Variants in ATP11A observed in about 807,000 individuals in gnomAD.
ATP11A encodes the protein phospholipid-transporting ATPase IH.
A neutral mutation model predicts 154.4 loss-of-function variants in ATP11A; 81 were observed. The ratio of observed to expected loss-of-function variants is 0.52; its 90% CI spans 0.44 to 0.63. The LOEUF (loss-of-function observed/expected upper bound fraction) is 0.63, where lower values mean the gene tolerates loss of function less well. Ranked by LOEUF, ATP11A falls within the 30% of genes least tolerant of loss-of-function variation. The pLI is 0.00. For synonymous variants in ATP11A, 623 were observed against 585.9 expected (o/e 1.06, Z -0.91); for missense variants, 1,316 against 1,474.3 (o/e 0.89, Z 1.76).
chr13:112,755,355 A>G (rs2076796221), intron 1 of ATP11A, among the ~76,000 whole-genome samples: 1 of 152,028 alleles, frequency 6.6e-6, no homozygotes, highest in African/African-American at 2.4e-5. Flanking sequence ...CCCAGCTTGG[A>G]CAGTCTCTCT....
intron 2 of ATP11A, among the ~76,000 whole-genome samples, chr13:112,803,745 CTT>C (rs2078204639): frequency 8.2e-5 from 10 of 122,422 alleles, no homozygotes; most frequent in African/African-American, 2.8e-4. Context: ...CCTTCCCCTC[CTT>C]CTCTCATTCC....
At chr13:112,692,604 C>G (rs1885327773) in intron 1 of ATP11A, among the ~76,000 whole-genome samples, 1 of 152,176 alleles carries the variant, frequency 6.6e-6, no homozygotes, top group Non-Finnish European at 1.5e-5. Flanking sequence ...CTTTAGTGAA[C>G]TTTTCCAGCA....
intron 29 of ATP11A, chr13:112,880,809 A>G: frequency 1.0e-6 from 1 of 985,446 alleles, no homozygotes; most frequent in Non-Finnish European, 1.2e-6. Flanking sequence ...CCAGGTAAGT[A>G]ACACGCCTGA....
chr13:112,867,175 A>T (rs1478803839), intron 25 of ATP11A, among the ~76,000 whole-genome samples: 4 of 152,150 alleles, frequency 2.6e-5, no homozygotes, highest in African/African-American at 9.7e-5. Context: ...GTTTTCTCTC[A>T]CAAACACCAC....
chr13:112,792,955 A>T (rs1462603319), intron 2 of ATP11A, among the ~76,000 whole-genome samples: 2 of 152,230 alleles, frequency 1.3e-5, no homozygotes, highest in African/African-American at 4.8e-5. Flanking sequence ...TTGGGGAGAA[A>T]AAATTCCCTC....
At chr13:112,731,268 C>T (rs1246657962) in intron 1 of ATP11A, among the ~76,000 whole-genome samples, 1 of 152,164 alleles carries the variant, frequency 6.6e-6, no homozygotes, top group African/African-American at 2.4e-5. Flanking sequence ...TGTGTCCGGC[C>T]TCCTATACAG....
At chr13:112,867,430 A>C (rs1179322600) in intron 25 of ATP11A, among the ~76,000 whole-genome samples, 2 of 152,204 alleles carry the variant, frequency 1.3e-5, no homozygotes, top group Non-Finnish European at 2.9e-5. Flanking sequence ...GATGGACTTC[A>C]GGGGCAAGGA....
chr13:112,851,140 G>T lies in ATP11A; in HGVS notation c.1913G>T (p.Arg638Leu). 6.2e-7 allele frequency: 1 copy of T among 1,614,190 alleles called. No individual in the cohort carries two copies. The highest frequency in any genetic ancestry group is 8.5e-7 in the Non-Finnish European group (1 of 1,180,034). Residue 638 changes from arginine (R) to leucine (L), a missense_variant, in exon 18 of 30, where the codon CGA (arginine) becomes CTA (leucine). Around this residue, in one of 5 missense-constraint regions of ATP11A, gnomAD observed 876 missense variants for 1,006.8 expected, o/e 0.87. Coordinates refer to ENST00000375645, the MANE Select transcript of ATP11A (RefSeq NM_015205.3). ...GCTGCCAAAGTGGCCCTTCAAGATC[G>T]AGAGAAAAAGTTAGCAGAAGCCTAT... ...LQAAKVALQDREKKLAEAYEQ... is the reference protein window; with the variant it reads ...LQAAKVALQDLEKKLAEAYEQ...
chr13:112,809,571 C>T (rs542803292), intron 4 of ATP11A, among the ~76,000 whole-genome samples: 1 of 152,204 alleles, frequency 6.6e-6, no homozygotes, highest in East Asian at 1.9e-4. Flanking sequence ...TGCAGTGGGC[C>T]CGTGGCACAG....
chr13:112,746,389 T>C lies in ATP11A; in HGVS notation c.40-38746T>C, dbSNP rs79224605. The stretch of plus-strand genomic sequence containing the variant: ...CCTCCCCGGGTAACTGGGGTTCCGG[T>C]TCCCCACGTCCTCACCGGGTAACTG... On this transcript the variant is annotated intron_variant, in intron 1 of 29. Transcript: ENST00000375645. This position sits in a 1 kb window ranked among gnomAD's most constrained non-coding sequence, Gnocchi z 4.1. The C allele has an allele frequency of 5.4e-3, 495 of 92,180 alleles. No homozygotes were observed. The highest frequency in any genetic ancestry group is 0.015 in the African/African-American group (215 of 14,694). 5.7% of individuals were successfully genotyped at this position (92,180 alleles called of 1,614,324 possible).
intron 1 of ATP11A, among the ~76,000 whole-genome samples, chr13:112,727,993 G>A (rs1890061562): frequency 6.6e-6 from 1 of 152,178 alleles, no homozygotes; most frequent in African/African-American, 2.4e-5. Flanking sequence ...GGTGAGCAGG[G>A]GAAAAACACC....
chr13:112,704,273 A>C (rs1566354069), intron 1 of ATP11A, among the ~76,000 whole-genome samples: 1 of 152,206 alleles, frequency 6.6e-6, no homozygotes, highest in South Asian at 2.1e-4. Flanking sequence ...CAGTTGTTGT[A>C]CGCACAACTC....
At chr13:112,702,784 C>T (rs999415996) in intron 1 of ATP11A, among the ~76,000 whole-genome samples, 6 of 152,336 alleles carry the variant, frequency 3.9e-5, no homozygotes, top group Non-Finnish European at 7.3e-5. Context: ...GAAGAGCGGG[C>T]GGTGTGCGTG....
intron 1 of ATP11A, among the ~76,000 whole-genome samples, chr13:112,727,920 T>C (rs1890050161): frequency 6.6e-6 from 1 of 152,238 alleles, no homozygotes. Context: ...ATTCTCCGTG[T>C]AACTCAGAAC....
At chr13:112,853,883 A>G (rs757418295) in intron 18 of ATP11A, among the ~76,000 whole-genome samples, 1 of 152,136 alleles carries the variant, frequency 6.6e-6, no homozygotes, top group Non-Finnish European at 1.5e-5. Context: ...AATATTCCTG[A>G]CCACCTTGAG....
intron 1 of ATP11A, among the ~76,000 whole-genome samples, chr13:112,779,683 G>A (rs1389903844): frequency 2.6e-5 from 4 of 152,178 alleles, no homozygotes; most frequent in African/African-American, 9.7e-5. Context: ...GGAGGCTGAG[G>A]CGGGCGGATC....
At chr13:112,815,414 T>G (rs2078617816) in intron 5 of ATP11A, among the ~76,000 whole-genome samples, 1 of 148,446 alleles carries the variant, frequency 6.7e-6, no homozygotes, top group Non-Finnish European at 1.5e-5. Context: ...TATGCCTTCC[T>G]CACCCGGCAG....
At chr13:112,871,891 T>C (rs2080534020) in intron 26 of ATP11A, 91 bp downstream of exon 26, 15 of 1,356,290 alleles carry the variant, frequency 1.1e-5, no homozygotes, top group Non-Finnish European at 1.5e-5. Flanking sequence ...GAATTATAAC[T>C]CTGTACTGAG....
chr13:112,820,497 G>A (rs1021210013), intron 8 of ATP11A, among the ~76,000 whole-genome samples: 1 of 152,174 alleles, frequency 6.6e-6, no homozygotes, highest in South Asian at 2.1e-4. Flanking sequence ...CCATTCACCA[G>A]CATGGACCCA....
Sources: gnomAD v4.1 joint callset for allele counts (sites outside exome capture counted in the v4.1 genomes callset) on GRCh38, gnomAD v4.1.1 for gene constraint, gnomAD v4.1.1 regional missense constraint, Gnocchi (gnomAD v3.1) non-coding constraint, MANE v1.5 for transcripts, NCBI Gene and HGNC (gene_info 2026-07-23, HGNC 2026-07-21) for gene names.